INPPL1: variants seen among roughly 807,000 people sequenced by gnomAD.
The protein encoded by INPPL1 is phosphatidylinositol 3,4,5-trisphosphate 5-phosphatase 2.
INPPL1 carries 91 observed loss-of-function variants against 139.3 expected under a neutral mutation model. The ratio of observed to expected loss-of-function variants is 0.65; its 90% CI spans 0.55 to 0.78. The LOEUF (loss-of-function observed/expected upper bound fraction) is 0.78. Ranked by LOEUF, INPPL1 falls within the 30% of genes least tolerant of loss-of-function variation. INPPL1 has a pLI of 0.00. For missense variants in INPPL1, 1,411 were observed against 1,665.6 expected, an observed-to-expected ratio of 0.85 and a Z score of 2.66; for synonymous variants, 719 against 686.6, an observed-to-expected ratio of 1.05 and a Z score of -0.74.
In INPPL1 at chr11:72,231,575, C is replaced by T; in HGVS notation, c.1575C>T (p.Val525=). 3.7e-6 allele frequency: 6 copies of T among 1,613,908 alleles called. No homozygotes were observed. The highest frequency in any genetic ancestry group is 5.1e-6 in the Non-Finnish European group (6 of 1,180,004). ...AGCACGAGAACCGTATCAGCCATGT[C>T]AGTACGTCCAGTGTGAAGACTGGCA... The part of the protein sequence containing the change: ...KPEHENRISH[V]STSSVKTGIA... The change falls in exon 13 of 28, where the codon GTC becomes GTT. Residue 525 remains valine, a synonymous_variant. Coordinates refer to ENST00000298229, the MANE Select transcript of INPPL1 (RefSeq NM_001567.4).
intron 1 of INPPL1, chr11:72,225,588 G>C (rs1370336486): frequency 1.0e-6 from 1 of 953,418 alleles, no homozygotes; most frequent in African/African-American, 1.8e-5. Flanking sequence ...GGGTGTGTGG[G>C]GATGCCTGGC....
rs562896636 is a variant in INPPL1, at chr11:72,226,245, A to G, written c.182+1079A>G. On this transcript the variant is annotated intron_variant, in intron 1 of 27. Transcript: ENST00000298229. ...GCCCAGGCTGGAGTGCAGTAGTGCA[A>G]TCTCGGCTCACTGCAACCTCCGCCT... Among the ~76,000 whole-genome samples, 232 of 149,272 alleles carry G rather than the reference A, an allele frequency of 1.6e-3. 1 individual carries two copies. Among genetic ancestry groups the G allele is most frequent in the African/African-American group, 5.6e-3 (223 of 40,122 alleles).
chr11:72,225,094 G>A lies in INPPL1; in HGVS notation c.110G>A (p.Arg37Gln), dbSNP rs1200020339. The change falls in exon 1 of 28, where the codon CGG (arginine) becomes CAG (glutamine). Residue 37 changes from arginine to glutamine, a missense_variant. Transcript: ENST00000298229. The stretch of plus-strand genomic sequence containing the variant: ...GCGGCCGCGGAGGAGCTGCTGGCCC[G>A]GGCGGGCCGCGATGGCAGCTTCCTG... ...SRAAAEELLA[R>Q]AGRDGSFLVR... is the part of the protein sequence containing the mutation. 1.9e-5 allele frequency: 23 copies of A among 1,231,144 alleles called. No homozygotes were observed. In the East Asian group the frequency reaches 7.3e-4, roughly 39 times the overall value. The allele number at this position is 1,231,144 out of a possible 1,614,324, so 76.3% of individuals were successfully genotyped here. A position where few individuals can be genotyped will look rare whatever the true frequency, so the allele number is the denominator to read the frequency against.
In INPPL1 at chr11:72,234,599, C is replaced by T; in HGVS notation, c.2399C>T (p.Ser800Leu). The T allele has an allele frequency of 1.9e-6, 3 of 1,613,038 alleles. No individual in the cohort carries two copies. In the South Asian group the frequency reaches 3.3e-5, roughly 18 times the overall value. ...AACTTCCTCAAAGTGCAGTGGTCTTCACGCCAGCTGCCCACGGTGAGGCTG... is the reference window on the plus strand; with the variant it reads ...AACTTCCTCAAAGTGCAGTGGTCTTTACGCCAGCTGCCCACGGTGAGGCTG... ...NINFLKVQWSSRQLPTLKPIL... is the reference protein window; with the variant it reads ...NINFLKVQWSLRQLPTLKPIL... Residue 800 changes from serine (S) to leucine (L), a missense_variant, in exon 21 of 28, where the codon TCA (serine) becomes TTA (leucine). Around this residue, in one of 5 missense-constraint regions of INPPL1, gnomAD observed 363 missense variants for 446.2 expected, o/e 0.81. Coordinates refer to ENST00000298229, the MANE Select transcript of INPPL1 (RefSeq NM_001567.4). This position sits in a 1 kb window ranked among gnomAD's most constrained non-coding sequence, Gnocchi z 4.2.
rs1334583906 is a variant in INPPL1 at position 72,232,270 on chromosome 11, T to C, written c.1646T>C (p.Met549Thr). 4.5e-6 allele frequency: 7 copies of C among 1,557,600 alleles called. No individual in the cohort carries two copies. Among genetic ancestry groups the C allele is most frequent in the South Asian group, 2.4e-5 (2 of 84,402 alleles). The change falls in exon 14 of 28, where the codon ATG becomes ACG. Residue 549 changes from methionine to threonine, a missense_variant. Coordinates refer to ENST00000298229, the MANE Select transcript of INPPL1 (RefSeq NM_001567.4). ...AAGGGGGCTGTGGGCGTCTCCTTCA[T>C]GTTTAATGGCACCTCATTTGGCTTT... ...GNKGAVGVSF[M>T]FNGTSFGFVN...
Position 72,233,459 on chromosome 11 carries a change from T to C in INPPL1, c.2059T>C (p.Ser687Pro), listed in dbSNP as rs1341426959. The C allele has an allele frequency of 5.0e-6, 8 of 1,614,164 alleles. No homozygotes were observed. Among genetic ancestry groups the C allele is most frequent in the Non-Finnish European group, 6.8e-6 (8 of 1,180,012 alleles). ...GCCCCAGGTCCGGACCAATGTGCCC[T>C]CATGGTGTGACCGGATTCTGTGGAA... ...KPTGVRTNVPSWCDRILWKSY... is the reference protein window; with the variant it reads ...KPTGVRTNVPPWCDRILWKSY... The change falls in exon 18 of 28, where the codon TCA becomes CCA. Residue 687 changes from serine to proline, a missense_variant. By Grantham distance (74) the Ser-to-Pro change is moderately conservative. Around this residue, in one of 5 missense-constraint regions of INPPL1, gnomAD observed 363 missense variants for 446.2 expected, o/e 0.81. Coordinates refer to ENST00000298229, the MANE Select transcript of INPPL1 (RefSeq NM_001567.4).
intron 26 of INPPL1, 56 bp downstream of exon 26, chr11:72,237,852 G>A (rs1193436622): frequency 6.5e-7 from 1 of 1,528,252 alleles, no homozygotes; most frequent in Non-Finnish European, 8.8e-7. Context: ...CCCACAGACT[G>A]GTACCCTTTC....
intron 1 of INPPL1, chr11:72,225,620 G>A: frequency 1.4e-6 from 1 of 728,986 alleles, no homozygotes; most frequent in East Asian, 1.3e-4. Context: ...GGCCCCTTTC[G>A]GTGCTTTGGG....
Position 72,238,499 on chromosome 11 carries a change from T to C in INPPL1, c.*146T>C. 1.6e-6 allele frequency: 1 copy of C among 610,830 alleles called. No homozygotes were observed. The highest frequency in any genetic ancestry group is 2.7e-6 in the Non-Finnish European group (1 of 374,062). The allele number at this position is 610,830 out of a possible 1,614,324, so 37.8% of individuals were successfully genotyped here. A position where few individuals can be genotyped will look rare whatever the true frequency, so the allele number is the denominator to read the frequency against. Reference sequence around the variant, plus strand: ...GTGCCTATTTATTGGGGATCTGCATTCCCCGCTGCCCAATCATTTGCAATG... The same window carrying C: ...GTGCCTATTTATTGGGGATCTGCATCCCCCGCTGCCCAATCATTTGCAATG... On this transcript the variant is annotated 3_prime_UTR_variant, in exon 28 of 28. Transcript: ENST00000298229.
chr11:72,229,732 C>T lies in INPPL1; in HGVS notation c.823C>T (p.Leu275=), dbSNP rs887200823. Residue 275 remains leucine (L), a synonymous_variant, in exon 7 of 28, where the codon CTG becomes TTG. Coordinates refer to ENST00000298229, the MANE Select transcript of INPPL1 (RefSeq NM_001567.4). ...GAAGCTGTCAGTGCTAAAGGACTTC[C>T]TGTCAGGCATCCAGAAGAAGGTGGC... ...VLKLSVLKDF[L]SGIQKKALKA... is the part of the protein sequence containing the mutation. 2 of 1,613,996 alleles carry T rather than the reference C, an allele frequency of 1.2e-6. No individual in the cohort carries two copies. The highest frequency in any genetic ancestry group is 1.7e-5 in the Admixed American group (1 of 60,028).
upstream of INPPL1, among the ~76,000 whole-genome samples, chr11:72,224,131 G>A (rs1452445291): frequency 1.3e-5 from 2 of 152,142 alleles, no homozygotes; most frequent in Admixed American, 6.5e-5. Flanking sequence ...GGGGCTGGGA[G>A]GGGCTGCGTG....
chr11:72,235,941 C>A lies in INPPL1; in HGVS notation c.2834C>A (p.Pro945Gln). The change falls in exon 25 of 28, where the codon CCA becomes CAA. Residue 945 changes from proline to glutamine, a missense_variant. Physicochemically the swap from Pro to Gln is moderately conservative, Grantham distance 76. This residue lies in a region of INPPL1 where 438 missense variants were observed against 425.7 expected (regional missense o/e 1.03). Transcript: ENST00000298229. The surrounding 1 kb of genome is among the most constrained non-coding windows in gnomAD (Gnocchi z 4.9). ...PEKPPPTGRPPAPPRAAPREE... is the reference protein window; with the variant it reads ...PEKPPPTGRPQAPPRAAPREE... ...AAACCGCCACCAACGGGGAGGCCCC[C>A]AGCCCCACCCCGAGCAGCTCCCCGG... The A allele has an allele frequency of 3.1e-6, 5 of 1,611,700 alleles. No homozygotes were observed. The highest frequency in any genetic ancestry group is 4.2e-6 in the Non-Finnish European group (5 of 1,179,080).
chr11:72,228,518 T>TC lies in INPPL1; in HGVS notation c.397+24dup. The stretch of plus-strand genomic sequence containing the variant: ...CCTCAGGTACTTCCCAGTGTGCAGG[T>TC]CCCCTCCCTGCCCCTGTCCCTTGGC... On this transcript the variant is annotated intron_variant, in intron 3 of 27. Coordinates refer to ENST00000298229, the MANE Select transcript of INPPL1 (RefSeq NM_001567.4). The surrounding 1 kb of genome is among the most constrained non-coding windows in gnomAD (Gnocchi z 5.0). 1 of 1,601,746 alleles carries TC rather than the reference T, an allele frequency of 6.2e-7. No individual in the cohort carries two copies. Among genetic ancestry groups the TC allele is most frequent in the Non-Finnish European group, 8.5e-7 (1 of 1,179,388 alleles).
intron 1 of INPPL1, chr11:72,227,914 C>T (rs1405037489): frequency 2.0e-6 from 1 of 500,260 alleles, no homozygotes; most frequent in African/African-American, 1.9e-5. Context: ...AAAGAGCTCC[C>T]TGTTGCTTCT....
upstream of INPPL1, among the ~76,000 whole-genome samples, chr11:72,224,386 C>T (rs982967080): frequency 3.3e-5 from 5 of 151,648 alleles, no homozygotes; most frequent in African/African-American, 1.2e-4. Context: ...CTCGATGCAG[C>T]CAAGCTGTAA....
rs748457346 is a variant in INPPL1 at position 72,230,264 on chromosome 11, C to T, written c.1083C>T (p.His361=). Residue 361 remains histidine, a synonymous_variant, in exon 9 of 28, where the codon CAC becomes CAT. Coordinates refer to ENST00000298229, the MANE Select transcript of INPPL1 (RefSeq NM_001567.4). ...AGGAGGACTGGACCACCTTCACGCACGACCGCAGTGAGCCAGGGCCAGACC... is the reference window on the plus strand; with the variant it reads ...AGGAGGACTGGACCACCTTCACGCATGACCGCAGTGAGCCAGGGCCAGACC... ...DSQEDWTTFT[H]DRIRQLIKSQ... 34 of 1,607,446 alleles carry T rather than the reference C, an allele frequency of 2.1e-5. No homozygotes were observed. Among genetic ancestry groups the T allele is most frequent in the African/African-American group, 2.7e-5 (2 of 74,882 alleles).
intron 1 of INPPL1, among the ~76,000 whole-genome samples, chr11:72,225,969 C>G (rs888373413): frequency 2.0e-5 from 3 of 152,134 alleles, no homozygotes; most frequent in African/African-American, 7.2e-5. Context: ...TCCTGCCCTG[C>G]AGTCTGACAT....
intron 12 of INPPL1, 134 bp from the exon 13 acceptor site, chr11:72,231,364 C>T (rs1237045805): frequency 1.1e-6 from 1 of 922,218 alleles, no homozygotes; most frequent in East Asian, 2.4e-5. Context: ...GGAACCATTT[C>T]TCTCCAGTCC....
At chr11:72,225,346 G>C (rs1316328463) in intron 1 of INPPL1, 180 bp downstream of exon 1, 2 of 985,448 alleles carry the variant, frequency 2.0e-6, no homozygotes, top group South Asian at 9.4e-5. Flanking sequence ...GGCACTTCCT[G>C]CTGTGTGTCT....
Sources: gnomAD v4.1 joint callset for allele counts (sites outside exome capture counted in the v4.1 genomes callset) on GRCh38, gnomAD v4.1.1 for gene constraint, gnomAD v4.1.1 regional missense constraint, Gnocchi (gnomAD v3.1) non-coding constraint, MANE v1.5 for transcripts, NCBI Gene and HGNC (gene_info 2026-07-23, HGNC 2026-07-21) for gene names.